The following CLIP4 variants were observed in gnomAD, a reference collection of about 807,000 sequenced individuals.
CLIP4 encodes CAP-Gly domain containing linker protein family member 4, also known as CAP-Gly domain-containing linker protein 4.
In CLIP4, 47 loss-of-function variants were observed where a neutral mutation model predicts 73.1. The observed-to-expected ratio is 0.64, with a 90% CI of 0.51 to 0.82. The LOEUF is 0.82. Among genes scored for constraint, CLIP4 ranks in the 40% least tolerant of loss-of-function variants. CLIP4 has a pLI of 0.00. For missense variants in CLIP4, 874 were observed against 852.9 expected (o/e 1.02, Z -0.31); for synonymous variants, 306 against 295.4 (o/e 1.04, Z -0.37).
intron 15 of CLIP4, 38 bp from the exon 16 acceptor site, chr2:29,181,534 G>C: frequency 6.6e-7 from 1 of 1,510,078 alleles, no homozygotes; most frequent in Non-Finnish European, 8.9e-7. Flanking sequence ...CGTGGCTTCA[G>C]CACTAAATAA....
chr2:29,161,011 G>C (rs1667254827), intron 12 of CLIP4, among the ~76,000 whole-genome samples: 1 of 151,656 alleles, frequency 6.6e-6, no homozygotes. Flanking sequence ...CTTCGCTCTT[G>C]TTGCCCAGGC....
At chr2:29,149,748 A>G (rs969236839) in intron 8 of CLIP4, among the ~76,000 whole-genome samples, 5 of 151,774 alleles carry the variant, frequency 3.3e-5, no homozygotes, top group Non-Finnish European at 7.4e-5. Flanking sequence ...AAAAAAGAAG[A>G]ATGCAAACTA....
rs1034154687 is a variant in CLIP4, at chr2:29,130,634, G to A, written c.134-624G>A. On this transcript the variant is annotated intron_variant, in intron 2 of 15. Transcript: ENST00000320081. Reference sequence around the variant, plus strand: ...GATTTTTGCCTAACAGGACCATTTTGTTGTCTAAGCTTACGAATGTTATCA... The same window carrying A: ...GATTTTTGCCTAACAGGACCATTTTATTGTCTAAGCTTACGAATGTTATCA... The A allele has an allele frequency of 1.4e-5, 15 of 1,106,208 alleles. No homozygotes were observed. In the African/African-American group the frequency reaches 2.2e-4, roughly 16 times the overall value. The allele number at this position is 1,106,208 out of a possible 1,614,324, so 68.5% of individuals were successfully genotyped here. A position where few individuals can be genotyped will look rare whatever the true frequency, so the allele number is the denominator to read the frequency against.
rs1041257508 is a variant in CLIP4, at chr2:29,143,750, A to G, written c.690A>G (p.Pro230=). The change falls in exon 7 of 16, where the codon CCA becomes CCG. Residue 230 remains proline, a synonymous_variant. Coordinates refer to ENST00000320081, the MANE Select transcript of CLIP4 (RefSeq NM_024692.6). The stretch of plus-strand genomic sequence containing the variant: ...TCCCTGCTGATGTTGTTCCAGACCC[A>G]GTAGATATGCCGTTAGAGATGGCTG... The part of the protein sequence containing the change: ...GQIPADVVPD[P]VDMPLEMADA... 2.5e-6 allele frequency: 4 copies of G among 1,613,940 alleles called. No homozygotes were observed. Among genetic ancestry groups the G allele is most frequent in the South Asian group, 2.2e-5 (2 of 91,092 alleles).
chr2:29,146,415 C>T (rs796526199), intron 8 of CLIP4, among the ~76,000 whole-genome samples: 2 of 152,252 alleles, frequency 1.3e-5, no homozygotes, highest in African/African-American at 4.8e-5. Context: ...TGAAACTCTG[C>T]GAGGTTTCTT....
rs80232826 is a variant in CLIP4 at position 29,119,991 on chromosome 2, T to C, written c.-15-1383T>C. On this transcript the variant is annotated intron_variant, in intron 1 of 15. Transcript: ENST00000320081. Reference sequence around the variant, plus strand: ...TTTGTATTTGCTGAAACATCTAGAATAGTGTCTTGTATATAGTGGTTCCTT... The same window carrying C: ...TTTGTATTTGCTGAAACATCTAGAACAGTGTCTTGTATATAGTGGTTCCTT... Among the ~76,000 whole-genome samples the C allele has an allele frequency of 2.8e-4, 43 of 152,324 alleles. 1 individual carries two copies. In the East Asian group the frequency reaches 8.1e-3, roughly 29 times the overall value.
At chr2:29,154,483 TG>T (rs1572976362) in intron 9 of CLIP4, among the ~76,000 whole-genome samples, 1 of 152,308 alleles carries the variant, frequency 6.6e-6, no homozygotes, top group East Asian at 1.9e-4. Context: ...AGGACATAGA[TG>T]GAATCCACAT....
intron 10 of CLIP4, 116 bp downstream of exon 10, chr2:29,156,559 A>G (rs1666937232): frequency 7.2e-6 from 5 of 693,652 alleles, no homozygotes; most frequent in Non-Finnish European, 7.1e-6. Context: ...GGGAAAAATT[A>G]TAGTAAAAAT....
At chr2:29,148,559 C>G (rs1204159669) in intron 8 of CLIP4, among the ~76,000 whole-genome samples, 1 of 152,180 alleles carries the variant, frequency 6.6e-6, no homozygotes. Flanking sequence ...ACAAAACTGT[C>G]TCTTAGCTTG....
At chr2:29,160,692 G>T (rs1049834018) in intron 12 of CLIP4, among the ~76,000 whole-genome samples, 2 of 152,120 alleles carry the variant, frequency 1.3e-5, no homozygotes, top group African/African-American at 2.4e-5. Context: ...TAAATGGTCG[G>T]TGTTAAAAAT....
At chr2:29,101,823 C>T (rs1229608939) in intron 1 of CLIP4, among the ~76,000 whole-genome samples, 1 of 152,154 alleles carries the variant, frequency 6.6e-6, no homozygotes, top group Non-Finnish European at 1.5e-5. Flanking sequence ...TCACATATAT[C>T]TCAAGCCAGA....
chr2:29,147,309 A>C (rs955479473), intron 8 of CLIP4, among the ~76,000 whole-genome samples: 9 of 152,096 alleles, frequency 5.9e-5, no homozygotes, highest in African/African-American at 2.2e-4. Flanking sequence ...TTGGGATATT[A>C]GTGTGTCTTT....
At chr2:29,116,203 A>C (rs773429400) in intron 1 of CLIP4, among the ~76,000 whole-genome samples, 77 of 152,174 alleles carry the variant, frequency 5.1e-4, no homozygotes, top group Non-Finnish European at 6.9e-4. Context: ...GGGGAAGTTG[A>C]AAGGAGCGCT....
chr2:29,107,438 A>C (rs185842597), intron 1 of CLIP4, among the ~76,000 whole-genome samples: 3,266 of 126,246 alleles, frequency 0.026, 110 homozygotes, highest in East Asian at 0.11. Context: ...GTGGTGCGAT[A>C]TTGGCTCACT....
intron 6 of CLIP4, among the ~76,000 whole-genome samples, chr2:29,142,435 A>G (rs1474937219): frequency 2.6e-5 from 4 of 152,160 alleles, no homozygotes; most frequent in African/African-American, 7.2e-5. Context: ...AGCATAGCTT[A>G]CAACTTAGCC....
At chr2:29,157,506 G>A (rs993067818) in intron 11 of CLIP4, 159 bp downstream of exon 11, 4 of 1,106,792 alleles carry the variant, frequency 3.6e-6, no homozygotes, top group Non-Finnish European at 5.2e-6. Context: ...TAAGCCTTAA[G>A]GTCTCTTTGT....
upstream of CLIP4, among the ~76,000 whole-genome samples, chr2:29,111,349 C>T (rs1456976161): frequency 1.3e-5 from 2 of 152,230 alleles, no homozygotes; most frequent in East Asian, 3.8e-4. Context: ...GTTCAGTGAC[C>T]TCAAGCTACA....
At chr2:29,169,069 G>A (rs1451978005) in intron 14 of CLIP4, among the ~76,000 whole-genome samples, 1 of 151,912 alleles carries the variant, frequency 6.6e-6, no homozygotes, top group Non-Finnish European at 1.5e-5. Flanking sequence ...ACCCTAATAG[G>A]TGTGTTGTTT....
At chr2:29,124,655 G>A (rs1051888968) in intron 2 of CLIP4, among the ~76,000 whole-genome samples, 3 of 152,024 alleles carry the variant, frequency 2.0e-5, no homozygotes, top group Admixed American at 2.0e-4. Context: ...ATTTTGGATA[G>A]TTTATATTAC....
Sources: gnomAD v4.1 joint callset for allele counts (sites outside exome capture counted in the v4.1 genomes callset) on GRCh38, gnomAD v4.1.1 for gene constraint, MANE v1.5 for transcripts, NCBI Gene and HGNC (gene_info 2026-07-23, HGNC 2026-07-21) for gene names.